Variants in MDGA2 observed in about 807,000 individuals in gnomAD.
The protein encoded by MDGA2 is MAM domain containing glycosylphosphatidylinositol anchor 2, also known as MAM domain-containing glycosylphosphatidylinositol anchor protein 2.
A neutral mutation model predicts 117.8 loss-of-function variants in MDGA2; 40 were observed. The observed-to-expected ratio is 0.34, with a 90% CI of 0.26 to 0.44. The LOEUF is 0.44. Ranked by LOEUF, MDGA2 falls within the 20% of genes least tolerant of loss-of-function variation. MDGA2 has a pLI of 1.00. For missense variants in MDGA2, 1,123 were observed against 1,250.6 expected (o/e 0.90, Z 1.54); for synonymous variants, 452 against 439.0 (o/e 1.03, Z -0.37).
chr14:47,466,948 A>T (rs892231006), intron 1 of MDGA2, among the ~76,000 whole-genome samples: 14 of 152,112 alleles, frequency 9.2e-5, no homozygotes, highest in African/African-American at 3.1e-4. Flanking sequence ...AGAGAACAAG[A>T]AGGGTAATTG....
At chr14:47,453,177 CA>C (rs78699845) in intron 1 of MDGA2, among the ~76,000 whole-genome samples, 1 of 151,852 alleles carries the variant, frequency 6.6e-6, no homozygotes, top group East Asian at 1.9e-4. Context: ...GAAGAAATGT[CA>C]AAAGAGTAAC....
At chr14:47,331,458 T>C (rs1167675996) in intron 1 of MDGA2, among the ~76,000 whole-genome samples, 1 of 151,996 alleles carries the variant, frequency 6.6e-6, no homozygotes, top group Non-Finnish European at 1.5e-5. Flanking sequence ...TATTTTAATC[T>C]ATATGTAGTT....
Position 46,855,042 on chromosome 14 carries a change from G to A in MDGA2, c.2865C>T (p.Tyr955=). 1 of 1,605,036 alleles carries A rather than the reference G, an allele frequency of 6.2e-7. No homozygotes were observed. The highest frequency in any genetic ancestry group is 1.1e-5 in the South Asian group (1 of 89,230). ...TTCTTACCTGAAATGAAGTAATTGG[G>A]TATATATTAACATGAGCCTCATTCC... ...QRWNEAHVNI[Y]PITSFQLIFE... Residue 955 remains tyrosine, a synonymous_variant, in exon 15 of 17, where the codon TAC becomes TAT. Coordinates refer to ENST00000399232, the MANE Select transcript of MDGA2 (RefSeq NM_001113498.3). The surrounding 1 kb of genome is among the most constrained non-coding windows in gnomAD (Gnocchi z 4.1).
chr14:46,925,536 G>A (rs922863452), intron 9 of MDGA2, among the ~76,000 whole-genome samples: 3 of 150,732 alleles, frequency 2.0e-5, no homozygotes, highest in Non-Finnish European at 4.4e-5. Flanking sequence ...GGAGGCTGAG[G>A]CAGGGGAATC....
At chr14:46,962,146 T>C (rs1358406874) in intron 8 of MDGA2, among the ~76,000 whole-genome samples, 3 of 152,230 alleles carry the variant, frequency 2.0e-5, no homozygotes, top group Non-Finnish European at 2.9e-5. Flanking sequence ...CGGGCAACTA[T>C]AGACATCACT....
At chr14:47,556,356 C>A (rs1224099596) in intron 1 of MDGA2, among the ~76,000 whole-genome samples, 2 of 152,188 alleles carry the variant, frequency 1.3e-5, no homozygotes, top group Non-Finnish European at 2.9e-5. Context: ...CATTCCAAAT[C>A]CTGCCCAATA....
intron 1 of MDGA2, among the ~76,000 whole-genome samples, chr14:47,517,876 T>A (rs1894788499): frequency 6.6e-6 from 1 of 152,154 alleles, no homozygotes; most frequent in South Asian, 2.1e-4. Flanking sequence ...AGAAAAAGTG[T>A]GTCTTAAATG....
chr14:47,646,651 T>C (rs1897540664), intron 1 of MDGA2, among the ~76,000 whole-genome samples: 1 of 152,246 alleles, frequency 6.6e-6, no homozygotes, highest in African/African-American at 2.4e-5. Context: ...TATGAAATAC[T>C]TGCCCAATCA....
intron 2 of MDGA2, among the ~76,000 whole-genome samples, chr14:47,231,878 T>C (rs905303431): frequency 1.3e-5 from 2 of 152,052 alleles, no homozygotes; most frequent in Non-Finnish European, 2.9e-5. Flanking sequence ...ATTGTTAACA[T>C]ACTGGCAGCT....
intron 1 of MDGA2, among the ~76,000 whole-genome samples, chr14:47,384,169 T>C (rs1357197309): frequency 6.6e-6 from 1 of 151,814 alleles, no homozygotes; most frequent in Non-Finnish European, 1.5e-5. Flanking sequence ...CTGATAATCA[T>C]ATAGACATAA....
intron 1 of MDGA2, among the ~76,000 whole-genome samples, chr14:47,561,459 T>C (rs1200629254): frequency 1.3e-5 from 2 of 152,214 alleles, no homozygotes; most frequent in East Asian, 3.9e-4. Flanking sequence ...CGGTTAACTG[T>C]ATTCTTAGTT....
intron 1 of MDGA2, among the ~76,000 whole-genome samples, chr14:47,324,840 G>A (rs1170386589): frequency 1.3e-5 from 2 of 151,480 alleles, no homozygotes; most frequent in African/African-American, 4.9e-5. Context: ...TATACACAGA[G>A]AGAGAGAGAG....
intron 1 of MDGA2, among the ~76,000 whole-genome samples, chr14:47,551,353 A>G (rs1186188914): frequency 6.6e-6 from 1 of 152,112 alleles, no homozygotes; most frequent in Non-Finnish European, 1.5e-5. Flanking sequence ...GGGGATAAAC[A>G]CTTTTGCTTT....
At chr14:47,493,041 A>G (rs1441003321) in intron 1 of MDGA2, among the ~76,000 whole-genome samples, 1 of 151,954 alleles carries the variant, frequency 6.6e-6, no homozygotes, top group Non-Finnish European at 1.5e-5. Flanking sequence ...AATCATTCTA[A>G]TAATACTTAT....
intron 1 of MDGA2, among the ~76,000 whole-genome samples, chr14:47,593,734 G>A (rs995404462): frequency 2.6e-5 from 4 of 152,098 alleles, no homozygotes; most frequent in African/African-American, 9.7e-5. Flanking sequence ...TGGGGGATGG[G>A]GGAGGGTGAG....
At chr14:47,641,076 A>T (rs549780178) in intron 1 of MDGA2, among the ~76,000 whole-genome samples, 19 of 152,182 alleles carry the variant, frequency 1.2e-4, no homozygotes, top group Admixed American at 1.2e-3. Flanking sequence ...CAGTGAATGA[A>T]ACACTCATTA....
chr14:47,354,687 C>G (rs1295234998), intron 1 of MDGA2, among the ~76,000 whole-genome samples: 3 of 152,106 alleles, frequency 2.0e-5, no homozygotes, highest in African/African-American at 7.2e-5. Flanking sequence ...ATAATAAAAC[C>G]CCTTGTTAAA....
chr14:47,554,696 T>G (rs975200927), intron 1 of MDGA2, among the ~76,000 whole-genome samples: 6 of 152,212 alleles, frequency 3.9e-5, no homozygotes, highest in African/African-American at 1.4e-4. Flanking sequence ...TGGTTGAGAC[T>G]GGACTCTTTC....
intron 10 of MDGA2, among the ~76,000 whole-genome samples, chr14:46,886,516 T>C (rs985559502): frequency 1.3e-5 from 2 of 152,052 alleles, no homozygotes; most frequent in Non-Finnish European, 2.9e-5. Flanking sequence ...AAGATACTGT[T>C]TAAATAGGTT....
Sources: allele counts gnomAD v4.1 joint callset (sites outside exome capture counted in the v4.1 genomes callset), GRCh38; gene constraint gnomAD v4.1.1; non-coding constraint Gnocchi (gnomAD v3.1); transcripts MANE v1.5; gene names NCBI Gene and HGNC (gene_info 2026-07-23, HGNC 2026-07-21).